The following ZPBP variants were observed in gnomAD, a reference collection of about 807,000 sequenced individuals.
ZPBP encodes the protein zona pellucida binding protein.
Under a neutral mutation model 44.8 loss-of-function variants are expected in ZPBP, and 26 were observed. The ratio of observed to expected loss-of-function variants is 0.58; its 90% CI spans 0.43 to 0.81. The LOEUF (loss-of-function observed/expected upper bound fraction) is 0.81. ZPBP is among the 30% of genes least tolerant of loss of function. The probability of loss-of-function intolerance (pLI) is 0.00; values close to 1 mark genes in which losing one functional copy is unlikely to be tolerated. For synonymous variants in ZPBP, 174 were observed against 153.2 expected (o/e 1.14, Z -1.00); for missense variants, 409 against 434.0 (o/e 0.94, Z 0.51).
chr7:49,905,443 A>T (rs1793034266), intron 1 of ZPBP, among the ~76,000 whole-genome samples: 1 of 152,252 alleles, frequency 6.6e-6, no homozygotes, highest in Admixed American at 6.5e-5. Context: ...TTTGGTAAAT[A>T]TTCGTTTTTC....
intron 2 of ZPBP, among the ~76,000 whole-genome samples, chr7:49,866,906 A>G (rs1025743234): frequency 5.9e-5 from 9 of 152,242 alleles, no homozygotes; most frequent in African/African-American, 2.2e-4. Flanking sequence ...TTGGAGCAGC[A>G]GCACAGCAAA....
chr7:49,990,123 C>T (rs1363648165), intron 6 of ZPBP, among the ~76,000 whole-genome samples: 3 of 152,112 alleles, frequency 2.0e-5, no homozygotes, highest in Admixed American at 6.6e-5. Context: ...CAGAGGCAGA[C>T]AATAATGGAA....
At chr7:49,850,406 A>G (rs968191537), downstream of ZPBP, 2 of 152,298 alleles carry the variant, frequency 1.3e-5, no homozygotes, top group Admixed American at 6.5e-5. Context: ...ATCCAGTGTA[A>G]GAGGCCTCCT....
At chr7:50,092,782 TG>T in intron 1 of ZPBP, 1 of 319,856 alleles carries the variant, frequency 3.1e-6, no homozygotes, top group Non-Finnish European at 5.7e-6. Context: ...AGATGACCCA[TG>T]GACTGAATTG....
intron 6 of ZPBP, among the ~76,000 whole-genome samples, chr7:50,005,869 T>TGTGTGTGTGTGTG (rs1798289164): frequency 7.8e-6 from 1 of 128,226 alleles, no homozygotes; most frequent in African/African-American, 3.3e-5. Context: ...GTGTGTGTGT[T>TGTGTGTGTGTGTG]TTGCCTACAT....
At chr7:49,853,720 AT>A (rs907846087) in intron 2 of ZPBP, among the ~76,000 whole-genome samples, 17 of 151,794 alleles carry the variant, frequency 1.1e-4, no homozygotes, top group Non-Finnish European at 2.5e-4. Flanking sequence ...TTAATTTTTT[AT>A]TTTTTTATTA....
intron 1 of ZPBP, among the ~76,000 whole-genome samples, chr7:49,904,922 G>C (rs1793004609): frequency 6.6e-6 from 1 of 151,916 alleles, no homozygotes; most frequent in Admixed American, 6.6e-5. Context: ...TTTTAGTAGA[G>C]ATGGGGTTTC....
At chr7:49,893,521 C>T (rs1342629905) in intron 2 of ZPBP, among the ~76,000 whole-genome samples, 8 of 152,198 alleles carry the variant, frequency 5.3e-5, no homozygotes, top group Middle Eastern at 3.4e-3. Context: ...TGATTTTGTA[C>T]TAGGTCCTTA....
chr7:49,952,326 A>C (rs900628982), intron 7 of ZPBP, among the ~76,000 whole-genome samples: 4 of 152,014 alleles, frequency 2.6e-5, no homozygotes, highest in Non-Finnish European at 4.4e-5. Context: ...GAGGTCAGTC[A>C]ATCATGCATA....
At chr7:50,070,276 G>C (rs1280612325) in intron 3 of ZPBP, among the ~76,000 whole-genome samples, 1 of 152,000 alleles carries the variant, frequency 6.6e-6, no homozygotes, top group Non-Finnish European at 1.5e-5. Flanking sequence ...AGCCACTCTG[G>C]GTTGGATTAG....
chr7:50,046,595 A>T (rs1178500792), intron 4 of ZPBP, among the ~76,000 whole-genome samples: 1 of 152,210 alleles, frequency 6.6e-6, no homozygotes, highest in African/African-American at 2.4e-5. Flanking sequence ...CCACCGTAAG[A>T]TACCATCTCA....
chr7:49,875,382 A>AAAAC, intron 2 of ZPBP, among the ~76,000 whole-genome samples: 1 of 149,324 alleles, frequency 6.7e-6, no homozygotes, highest in Non-Finnish European at 1.5e-5. Flanking sequence ...AAAAAAAAAA[A>AAAAC]AAAAAAAAAA....
chr7:50,015,484 G>T, intron 6 of ZPBP, among the ~76,000 whole-genome samples: 1 of 152,038 alleles, frequency 6.6e-6, no homozygotes. Context: ...ATACCACTCT[G>T]AACATAGGCC....
At chr7:49,919,789 A>G (rs568711630) in intron 1 of ZPBP, 2 of 152,392 alleles carry the variant, frequency 1.3e-5, no homozygotes, top group African/African-American at 4.8e-5. Flanking sequence ...AGGTCTATCT[A>G]TTGCTCCCAC....
intron 3 of ZPBP, among the ~76,000 whole-genome samples, chr7:50,079,191 T>C (rs1399706230): frequency 6.6e-6 from 1 of 151,598 alleles, no homozygotes; most frequent in Non-Finnish European, 1.5e-5. Flanking sequence ...CATAAAATGG[T>C]GTGTTCCTAC....
intron 6 of ZPBP, among the ~76,000 whole-genome samples, chr7:49,997,993 C>T (rs1300728195): frequency 1.3e-5 from 2 of 152,164 alleles, no homozygotes; most frequent in Non-Finnish European, 1.5e-5. Flanking sequence ...TCTCAGCTCA[C>T]TGCAACCTCT....
At chr7:50,000,645 G>A (rs1036866215) in intron 6 of ZPBP, among the ~76,000 whole-genome samples, 1 of 152,096 alleles carries the variant, frequency 6.6e-6, no homozygotes, top group Non-Finnish European at 1.5e-5. Context: ...CATTAACCCA[G>A]CAAATCTCAG....
intron 6 of ZPBP, among the ~76,000 whole-genome samples, chr7:50,002,956 G>T (rs1447506102): frequency 2.0e-5 from 3 of 152,158 alleles, no homozygotes; most frequent in Admixed American, 6.5e-5. Flanking sequence ...ACTAAGGGTA[G>T]AAGTTACTGT....
chr7:49,864,104 ATTGT>A (rs1195473080), intron 2 of ZPBP, among the ~76,000 whole-genome samples: 4 of 151,980 alleles, frequency 2.6e-5, no homozygotes, highest in Admixed American at 1.3e-4. Context: ...GCGGGCTGTG[ATTGT>A]TTGTCTGTTT....
Sources: gnomAD v4.1 joint callset for allele counts (sites outside exome capture counted in the v4.1 genomes callset) on GRCh38, gnomAD v4.1.1 for gene constraint, MANE v1.5 for transcripts, NCBI Gene and HGNC (gene_info 2026-07-23, HGNC 2026-07-21) for gene names.